KCNIP4: variants seen among roughly 807,000 people sequenced by gnomAD.
KCNIP4 encodes the protein Kv channel-interacting protein 4.
A neutral mutation model predicts 34.0 loss-of-function variants in KCNIP4; 12 were observed. The ratio of observed to expected loss-of-function variants is 0.35; its 90% CI spans 0.23 to 0.57. The LOEUF is 0.57. Among genes scored for constraint, KCNIP4 ranks in the 20% least tolerant of loss-of-function variants. The pLI, the probability that KCNIP4 is intolerant of heterozygous loss-of-function variation, is 0.83. For synonymous variants in KCNIP4, 124 were observed against 102.2 expected (o/e 1.21, Z -1.29); for missense variants, 238 against 311.7 (o/e 0.76, Z 1.78).
chr4:21,267,092 C>T (rs531044118), intron 1 of KCNIP4, among the ~76,000 whole-genome samples: 6 of 152,204 alleles, frequency 3.9e-5, no homozygotes, highest in African/African-American at 1.4e-4. Context: ...GTAAATAGAA[C>T]GATGTGATGC....
intron 1 of KCNIP4, chr4:21,845,734 G>A (rs926669183): frequency 5.9e-5 from 9 of 152,054 alleles, no homozygotes; most frequent in African/African-American, 1.4e-4. Context: ...AACTGCCTAA[G>A]TTAGTTAACT....
intron 1 of KCNIP4, among the ~76,000 whole-genome samples, chr4:21,798,586 GAGA>G (rs1227541144): frequency 1.7e-5 from 1 of 58,954 alleles, no homozygotes; most frequent in Non-Finnish European, 5.7e-5. Flanking sequence ...AAGAAAGAAA[GAGA>G]AAAAATGCAA....
intron 1 of KCNIP4, among the ~76,000 whole-genome samples, chr4:21,856,270 A>T (rs1724748174): frequency 6.6e-6 from 1 of 152,234 alleles, no homozygotes; most frequent in Admixed American, 6.5e-5. Context: ...AATAATAACT[A>T]ATAAGTACTC....
chr4:20,753,557 C>G (rs536882022), intron 4 of KCNIP4, among the ~76,000 whole-genome samples: 6 of 152,244 alleles, frequency 3.9e-5, no homozygotes, highest in Admixed American at 3.9e-4. Flanking sequence ...AGAATGAAAT[C>G]AATCTGGTTT....
chr4:21,948,757 C>T lies in KCNIP4; in HGVS notation c.-126G>A. The T allele has an allele frequency of 8.4e-7, 1 of 1,185,230 alleles. No homozygotes were observed. Among genetic ancestry groups the T allele is most frequent in the Non-Finnish European group, 1.1e-6 (1 of 947,054 alleles). The allele number at this position is 1,185,230 out of a possible 1,614,324, so 73.4% of individuals were successfully genotyped here. A position where few individuals can be genotyped will look rare whatever the true frequency, so the allele number is the denominator to read the frequency against. The stretch of plus-strand genomic sequence containing the variant: ...GCGTCCGTGGCGCTGGGAGCGAGAG[C>T]TTCGGCGGCGGCTGCGGGCAGGGCG... On this transcript the variant is annotated 5_prime_UTR_variant, in exon 1 of 9. Coordinates refer to ENST00000382152, the MANE Select transcript of KCNIP4 (RefSeq NM_025221.6).
At chr4:21,403,961 T>A (rs1366795208) in intron 1 of KCNIP4, among the ~76,000 whole-genome samples, 2 of 152,232 alleles carry the variant, frequency 1.3e-5, no homozygotes, top group African/African-American at 4.8e-5. Flanking sequence ...CACCTCTTAA[T>A]ACTGCCACAC....
intron 1 of KCNIP4, among the ~76,000 whole-genome samples, chr4:21,813,752 T>A (rs1721803072): frequency 6.6e-6 from 1 of 152,170 alleles, no homozygotes; most frequent in Admixed American, 6.5e-5. Flanking sequence ...TCACATCAAA[T>A]GCAGTAAGGT....
At chr4:21,030,492 G>A (rs1740927157) in intron 1 of KCNIP4, among the ~76,000 whole-genome samples, 1 of 152,094 alleles carries the variant, frequency 6.6e-6, no homozygotes. Flanking sequence ...ACCATCCGCT[G>A]CTCCCCACGT....
At chr4:21,826,540 A>C (rs1005032466) in intron 1 of KCNIP4, among the ~76,000 whole-genome samples, 4 of 152,164 alleles carry the variant, frequency 2.6e-5, no homozygotes, top group African/African-American at 9.6e-5. Context: ...ATTTAAATCT[A>C]GGATAAAAGC....
intron 1 of KCNIP4, among the ~76,000 whole-genome samples, chr4:21,839,172 T>C (rs1723533591): frequency 6.6e-6 from 1 of 152,194 alleles, no homozygotes; most frequent in South Asian, 2.1e-4. Flanking sequence ...TATATAAGTG[T>C]ATAGAAATCC....
At chr4:21,119,063 A>C (rs1749922333) in intron 1 of KCNIP4, among the ~76,000 whole-genome samples, 1 of 152,180 alleles carries the variant, frequency 6.6e-6, no homozygotes, top group Non-Finnish European at 1.5e-5. Flanking sequence ...AATCAAGTTC[A>C]GTTAGGGAGA....
chr4:21,939,594 A>T (rs1174094540), intron 1 of KCNIP4, among the ~76,000 whole-genome samples: 6 of 152,126 alleles, frequency 3.9e-5, no homozygotes, highest in Admixed American at 3.9e-4. Context: ...TTTTAAATTA[A>T]CACAGTGCAC....
At chr4:21,847,062 AT>A (rs1263270389) in intron 1 of KCNIP4, 1 of 152,140 alleles carries the variant, frequency 6.6e-6, no homozygotes. Flanking sequence ...CCCTTTGTTT[AT>A]TCTGCAGGTG....
intron 1 of KCNIP4, among the ~76,000 whole-genome samples, chr4:21,670,445 T>A (rs1749385803): frequency 7.1e-6 from 1 of 140,360 alleles, no homozygotes; most frequent in Admixed American, 7.0e-5. Flanking sequence ...GGGGGAGGGA[T>A]AGCATTGGGA....
At chr4:21,425,714 T>A (rs538938971) in intron 1 of KCNIP4, among the ~76,000 whole-genome samples, 40 of 152,296 alleles carry the variant, frequency 2.6e-4, no homozygotes, top group South Asian at 1.2e-3. Flanking sequence ...CTCTTGTGAA[T>A]GTCAAACACA....
intron 1 of KCNIP4, among the ~76,000 whole-genome samples, chr4:21,927,756 G>C (rs1729341185): frequency 6.6e-6 from 1 of 152,060 alleles, no homozygotes; most frequent in Non-Finnish European, 1.5e-5. Flanking sequence ...ACACAAATTT[G>C]AGAGAATCTG....
chr4:21,877,605 T>C (rs1440840757), intron 1 of KCNIP4, among the ~76,000 whole-genome samples: 1 of 152,122 alleles, frequency 6.6e-6, no homozygotes, highest in Non-Finnish European at 1.5e-5. Flanking sequence ...GTTCTTGGTT[T>C]TTCCTACCAC....
intron 3 of KCNIP4, among the ~76,000 whole-genome samples, chr4:20,785,328 C>CTTT (rs60704201): frequency 7.3e-6 from 1 of 136,370 alleles, no homozygotes; most frequent in Non-Finnish European, 1.6e-5. Flanking sequence ...ATTTTTTTTT[C>CTTT]TTTTTTTTTT....
At chr4:21,855,006 C>T (rs1040038) in intron 1 of KCNIP4, among the ~76,000 whole-genome samples, 149,067 of 152,310 alleles carry the variant, frequency 0.98, 73,033 homozygotes, top group East Asian at 1. Flanking sequence ...TCATTCCCTG[C>T]TCTATCATTT....
Sources: gnomAD v4.1 joint callset for allele counts (sites outside exome capture counted in the v4.1 genomes callset) on GRCh38, gnomAD v4.1.1 for gene constraint, MANE v1.5 for transcripts, NCBI Gene and HGNC (gene_info 2026-07-23, HGNC 2026-07-21) for gene names.